OPCML: variants seen among roughly 807,000 people sequenced by gnomAD.
The protein encoded by OPCML is opioid binding protein/cell adhesion molecule like, also known as opioid-binding protein/cell adhesion molecule.
A neutral mutation model predicts 37.8 loss-of-function variants in OPCML; 13 were observed. That is an observed-to-expected ratio of 0.34 (90% CI 0.22 to 0.55). OPCML has a LOEUF of 0.55. Among genes scored for constraint, OPCML ranks in the 20% least tolerant of loss-of-function variants. OPCML has a pLI of 0.91. For synonymous variants in OPCML, 176 were observed against 168.8 expected, an observed-to-expected ratio of 1.04 and a Z score of -0.33; for missense variants, 341 against 435.6, an observed-to-expected ratio of 0.78 and a Z score of 1.93.
intron 2 of OPCML, among the ~76,000 whole-genome samples, chr11:132,707,512 C>T (rs542834162): frequency 6.6e-6 from 1 of 152,270 alleles, no homozygotes; most frequent in South Asian, 2.1e-4. Context: ...CATCTGCCCA[C>T]TGACAATGAG....
chr11:132,847,210 A>T (rs1459953310), intron 2 of OPCML, among the ~76,000 whole-genome samples: 1 of 152,176 alleles, frequency 6.6e-6, no homozygotes, highest in Non-Finnish European at 1.5e-5. Context: ...AAAGAACGAA[A>T]ACCAGTAGGA....
intron 3 of OPCML, among the ~76,000 whole-genome samples, chr11:132,545,198 A>G (rs2096366147): frequency 6.6e-6 from 1 of 152,160 alleles, no homozygotes; most frequent in South Asian, 2.1e-4. Context: ...AAGCAGGTAT[A>G]TAGTGGTAAT....
intron 1 of OPCML, among the ~76,000 whole-genome samples, chr11:133,034,437 A>G (rs1255246132): frequency 1.3e-5 from 2 of 152,036 alleles, no homozygotes; most frequent in Non-Finnish European, 2.9e-5. Context: ...TTAGGCCAGT[A>G]CCTGTCATAA....
intron 1 of OPCML, among the ~76,000 whole-genome samples, chr11:133,483,126 C>T (rs542932665): frequency 3.3e-5 from 5 of 152,062 alleles, no homozygotes; most frequent in Admixed American, 3.3e-4. Context: ...GGAGAAAAAA[C>T]AAATGCCTTA....
chr11:132,590,622 G>A (rs2096482810), intron 3 of OPCML, among the ~76,000 whole-genome samples: 1 of 152,156 alleles, frequency 6.6e-6, no homozygotes. Context: ...AGATTAGAAA[G>A]CTTACTTAGC....
intron 2 of OPCML, among the ~76,000 whole-genome samples, chr11:132,804,097 CA>C (rs1317819986): frequency 6.6e-6 from 1 of 152,152 alleles, no homozygotes; most frequent in Admixed American, 6.5e-5. Context: ...CAGTAAAGAG[CA>C]GGCAACACAA....
intron 2 of OPCML, among the ~76,000 whole-genome samples, chr11:132,796,997 C>A (rs1444202793): frequency 6.6e-6 from 1 of 152,152 alleles, no homozygotes; most frequent in African/African-American, 2.4e-5. Flanking sequence ...TATTTATACA[C>A]TCTAGATAAA....
intron 2 of OPCML, chr11:132,817,096 T>C (rs1024183246): frequency 9.2e-5 from 14 of 152,346 alleles, no homozygotes; most frequent in African/African-American, 3.1e-4. Context: ...GTAGCACTTG[T>C]AAAGATGATG....
intron 1 of OPCML, among the ~76,000 whole-genome samples, chr11:132,995,091 C>T (rs1443879341): frequency 6.6e-6 from 1 of 152,164 alleles, no homozygotes; most frequent in Admixed American, 6.5e-5. Context: ...TAACCAAATA[C>T]GTACATCTGC....
At chr11:132,604,140 G>A (rs1450582696) in intron 3 of OPCML, among the ~76,000 whole-genome samples, 17 of 152,124 alleles carry the variant, frequency 1.1e-4, no homozygotes, top group Admixed American at 6.5e-5. Context: ...ATAAAGATGA[G>A]CAAGAGCTCA....
chr11:132,741,652 C>T (rs1303068023), intron 2 of OPCML, among the ~76,000 whole-genome samples: 1 of 152,178 alleles, frequency 6.6e-6, no homozygotes. Context: ...CAACTCTAAT[C>T]ACTAAAGGCA....
At chr11:132,859,720 C>T (rs1942216914) in intron 2 of OPCML, 1 of 152,202 alleles carries the variant, frequency 6.6e-6, no homozygotes, top group South Asian at 2.1e-4. Flanking sequence ...TTGTAAGAGA[C>T]AAATGAGAGT....
rs1041752492 is a variant in OPCML at position 132,694,449 on chromosome 11, G to A, written c.147-37130C>T. Among the ~76,000 whole-genome samples, 9 of 151,970 alleles carry A rather than the reference G, an allele frequency of 5.9e-5. No individual in the cohort carries two copies. In the East Asian group the frequency reaches 9.7e-4, roughly 16 times the overall value. On this transcript the variant is annotated intron_variant, in intron 2 of 7. Coordinates refer to ENST00000524381, the MANE Select transcript of OPCML (RefSeq NM_001012393.5). ...CCTGACCTCGTGATCTGCCCATCTC[G>A]GCCTCCCAAAGTGCTGGGATTATAG...
intron 1 of OPCML, among the ~76,000 whole-genome samples, chr11:133,455,687 C>T (rs1421883611): frequency 6.6e-6 from 1 of 152,118 alleles, no homozygotes; most frequent in Non-Finnish European, 1.5e-5. Flanking sequence ...GCAGTAAAGT[C>T]AGCAAGGCGG....
chr11:133,186,588 T>C (rs1330234114), intron 1 of OPCML, among the ~76,000 whole-genome samples: 1 of 152,116 alleles, frequency 6.6e-6, no homozygotes, highest in Non-Finnish European at 1.5e-5. Flanking sequence ...CTCCTCGCTA[T>C]TCTCAGCTCA....
intron 4 of OPCML, among the ~76,000 whole-genome samples, chr11:132,502,853 CCT>C (rs992017614): frequency 1.1e-4 from 16 of 152,158 alleles, no homozygotes; most frequent in Non-Finnish European, 2.1e-4. Context: ...GCTTAACAAT[CCT>C]CTCTCACGAT....
chr11:132,452,311 T>G (rs1565574298), intron 4 of OPCML, among the ~76,000 whole-genome samples: 1 of 152,050 alleles, frequency 6.6e-6, no homozygotes, highest in African/African-American at 2.4e-5. Context: ...GGCACCAAGC[T>G]GGGGGAGGAT....
At chr11:132,570,804 T>TATAGAGAGAGAGAGAGAGAG (rs2096436416) in intron 3 of OPCML, among the ~76,000 whole-genome samples, 3 of 90,760 alleles carry the variant, frequency 3.3e-5, no homozygotes, top group African/African-American at 9.9e-5. Context: ...TATATATATT[T>TATAGAGAGAGAGAGAGAGAG]AGAGAGAGAG....
chr11:132,845,592 G>A (rs1941490075), intron 2 of OPCML, among the ~76,000 whole-genome samples: 2 of 152,106 alleles, frequency 1.3e-5, no homozygotes, highest in African/African-American at 4.8e-5. Flanking sequence ...AGCCCTTCAG[G>A]TGGATAATAT....
Sources: allele counts gnomAD v4.1 joint callset (sites outside exome capture counted in the v4.1 genomes callset), GRCh38; gene constraint gnomAD v4.1.1; transcripts MANE v1.5; gene names NCBI Gene and HGNC (gene_info 2026-07-23, HGNC 2026-07-21).